The following DNM3 variants were observed in gnomAD, a reference collection of about 807,000 sequenced individuals.
The protein encoded by DNM3 is dynamin 3.
In DNM3, 47 loss-of-function variants were observed where a neutral mutation model predicts 101.6. That is an observed-to-expected ratio of 0.46 (90% CI 0.37 to 0.59). The LOEUF (loss-of-function observed/expected upper bound fraction) is 0.59. Ranked by LOEUF, DNM3 falls within the 20% of genes least tolerant of loss-of-function variation. The probability of loss-of-function intolerance (pLI) is 0.00; values close to 1 mark genes in which losing one functional copy is unlikely to be tolerated. For missense variants in DNM3, 849 were observed against 1,085.7 expected, an observed-to-expected ratio of 0.78 and a Z score of 3.06; for synonymous variants, 385 against 387.9, an observed-to-expected ratio of 0.99 and a Z score of 0.09.
chr1:171,996,507 A>G (rs981202831), intron 4 of DNM3, among the ~76,000 whole-genome samples: 4 of 152,104 alleles, frequency 2.6e-5, no homozygotes, highest in African/African-American at 9.7e-5. Flanking sequence ...CTCCTCCTCC[A>G]GTACTTTTTC....
intron 11 of DNM3, among the ~76,000 whole-genome samples, chr1:172,072,290 G>T (rs1354219122): frequency 6.6e-6 from 1 of 152,098 alleles, no homozygotes; most frequent in Non-Finnish European, 1.5e-5. Context: ...TTTTCTTCAA[G>T]ATATGAAACA....
intron 2 of DNM3, among the ~76,000 whole-genome samples, chr1:171,976,060 C>A (rs2044348545): frequency 7.8e-6 from 1 of 128,614 alleles, no homozygotes; most frequent in South Asian, 2.4e-4. Context: ...AGGATGGATT[C>A]AAAAAATGGA....
At chr1:172,339,108 T>C (rs547944997) in intron 17 of DNM3, 21 of 463,654 alleles carry the variant, frequency 4.5e-5, no homozygotes, top group South Asian at 2.9e-4. Flanking sequence ...CTGTGAAATA[T>C]TTGGTCGTAT....
chr1:172,263,739 A>G (rs980672002), intron 15 of DNM3, among the ~76,000 whole-genome samples: 20 of 152,170 alleles, frequency 1.3e-4, no homozygotes, highest in Admixed American at 1.2e-3. Flanking sequence ...CTCCCATGAC[A>G]TGTGGGATTT....
At chr1:172,373,674 G>A (rs888816207) in intron 17 of DNM3, among the ~76,000 whole-genome samples, 6 of 151,800 alleles carry the variant, frequency 4.0e-5, no homozygotes, top group Non-Finnish European at 7.4e-5. Flanking sequence ...CCAGAATTAG[G>A]GTAAAGCAAA....
Position 171,971,312 on chromosome 1 carries a change from A to T in DNM3, c.236-16344A>T, listed in dbSNP as rs544638273. 2.0e-5 allele frequency among the ~76,000 whole-genome samples: 3 copies of T among 152,184 alleles called. No homozygotes were observed. The East Asian group carries it at 5.8e-4, about 29-fold the overall frequency. ...ATGAAGTCTCCTAAGTCTAATTCAG[A>T]TTCTACCCTTTCTATAAATCCTTTA... On this transcript the variant is annotated intron_variant, in intron 2 of 20. Transcript: ENST00000627582.
At chr1:172,019,904 T>A (rs1173082930) in intron 4 of DNM3, among the ~76,000 whole-genome samples, 2 of 151,978 alleles carry the variant, frequency 1.3e-5, no homozygotes, top group East Asian at 1.9e-4. Flanking sequence ...ACTCTTAGGA[T>A]GTTAATCACA....
intron 4 of DNM3, among the ~76,000 whole-genome samples, chr1:172,022,979 C>T (rs1328484141): frequency 6.6e-6 from 1 of 151,994 alleles, no homozygotes; most frequent in African/African-American, 2.4e-5. Flanking sequence ...TTCTTTCTTC[C>T]ATGATATTGT....
intron 7 of DNM3, among the ~76,000 whole-genome samples, chr1:172,040,202 C>T (rs553289378): frequency 6.6e-6 from 1 of 152,048 alleles, no homozygotes; most frequent in Non-Finnish European, 1.5e-5. Flanking sequence ...AAAAATTTTT[C>T]ATGTTTCAGT....
chr1:172,209,138 C>T (rs963227778), intron 14 of DNM3, among the ~76,000 whole-genome samples: 1 of 151,928 alleles, frequency 6.6e-6, no homozygotes, highest in Non-Finnish European at 1.5e-5. Context: ...ACAGGGGACC[C>T]TAATCCAGTT....
chr1:172,074,229 G>A (rs974759378), intron 11 of DNM3, among the ~76,000 whole-genome samples: 3 of 152,090 alleles, frequency 2.0e-5, no homozygotes, highest in Admixed American at 6.6e-5. Context: ...ACAATAGAGA[G>A]TAACCAGAGT....
chr1:172,185,641 T>C (rs1444426554), intron 14 of DNM3, among the ~76,000 whole-genome samples: 1 of 152,114 alleles, frequency 6.6e-6, no homozygotes, highest in African/African-American at 2.4e-5. Flanking sequence ...GTTTGTGCAC[T>C]TAGGAATCAT....
chr1:172,319,185 A>G (rs1385152040), intron 16 of DNM3, among the ~76,000 whole-genome samples: 2 of 152,172 alleles, frequency 1.3e-5, no homozygotes, highest in African/African-American at 2.4e-5. Context: ...GGCTAGCCAT[A>G]TGTAGAAAGC....
intron 15 of DNM3, among the ~76,000 whole-genome samples, chr1:172,273,277 G>A (rs1376583877): frequency 6.6e-6 from 1 of 151,998 alleles, no homozygotes; most frequent in African/African-American, 2.4e-5. Flanking sequence ...AGCTGTTGCA[G>A]CTAGGGTTGA....
intron 17 of DNM3, among the ~76,000 whole-genome samples, chr1:172,347,453 G>A (rs9425568): frequency 0.53 from 80,443 of 151,920 alleles, 24,414 homozygotes; most frequent in African/African-American, 0.84. Flanking sequence ...GAAATAAAGA[G>A]GCTTTAAGTA....
rs150513008 is a variant in DNM3, at chr1:172,263,531, C to G, written c.1769+9849C>G. 2.6e-3 allele frequency among the ~76,000 whole-genome samples: 393 copies of G among 152,280 alleles called. 1 individual carries two copies. The highest frequency in any genetic ancestry group is 8.9e-3 in the African/African-American group (369 of 41,554). Reference sequence around the variant, plus strand: ...TAAAGAAAAAGAGATTTCATGGACTCATAGTTCCACATGGCTGGGGAGGCC... The same window carrying G: ...TAAAGAAAAAGAGATTTCATGGACTGATAGTTCCACATGGCTGGGGAGGCC... On this transcript the variant is annotated intron_variant, in intron 15 of 20. Coordinates refer to ENST00000627582, the MANE Select transcript of DNM3 (RefSeq NM_015569.5).
intron 13 of DNM3, among the ~76,000 whole-genome samples, chr1:172,110,790 C>G (rs895207562): frequency 6.6e-6 from 1 of 152,218 alleles, no homozygotes; most frequent in Admixed American, 6.5e-5. Context: ...AATCCTAGCA[C>G]TTTGAAAGGG....
At chr1:171,924,104 A>G (rs1017405387) in intron 2 of DNM3, among the ~76,000 whole-genome samples, 2 of 152,104 alleles carry the variant, frequency 1.3e-5, no homozygotes, top group African/African-American at 4.8e-5. Context: ...GGTTGATTCC[A>G]TGATTTTGCT....
chr1:172,032,505 T>C lies in DNM3; in HGVS notation c.688+5T>C, dbSNP rs769550524. The C allele has an allele frequency of 2.5e-5, 38 of 1,503,626 alleles. No individual in the cohort carries two copies. The highest frequency in any genetic ancestry group is 2.8e-5 in the Non-Finnish European group (30 of 1,085,568). 93.1% of individuals were successfully genotyped at this position (1,503,626 alleles called of 1,614,324 possible). ...AACTGTTGCCTCTTCGCAGGGGTAA[T>C]GTACTGTGGTCTATACAAGACTTTT... On this transcript the variant is annotated splice_donor_5th_base_variant and intron_variant, in intron 5 of 20. Coordinates refer to ENST00000627582, the MANE Select transcript of DNM3 (RefSeq NM_015569.5).
Sources: gnomAD v4.1 joint callset for allele counts (sites outside exome capture counted in the v4.1 genomes callset) on GRCh38, gnomAD v4.1.1 for gene constraint, MANE v1.5 for transcripts, NCBI Gene and HGNC (gene_info 2026-07-23, HGNC 2026-07-21) for gene names.